The following PKIB variants were observed in gnomAD, a reference collection of about 807,000 sequenced individuals.
PKIB encodes cAMP-dependent protein kinase inhibitor beta, also known as PKI-beta.
A neutral mutation model predicts 4.5 loss-of-function variants in PKIB; 2 were observed. The ratio of observed to expected loss-of-function variants is 0.44; its 90% CI spans 0.18 to 1.39. The LOEUF is 1.39. PKIB is among the 40% of genes most tolerant of loss of function. The pLI, the probability that PKIB is intolerant of heterozygous loss-of-function variation, is 0.27. For synonymous variants in PKIB, 38 were observed against 36.0 expected (o/e 1.06, Z -0.20); for missense variants, 94 against 92.6 (o/e 1.02, Z -0.06).
chr6:122,668,828 A>T lies in PKIB; in HGVS notation c.-75-6250A>T, dbSNP rs185620670. On this transcript the variant is annotated intron_variant, in intron 2 of 4. Transcript: ENST00000368452. ...ATGTTGCCAACTTTATTAACTTCAAAGCTTAATGTGAAATTTAAATCACCA... is the reference window on the plus strand; with the variant it reads ...ATGTTGCCAACTTTATTAACTTCAATGCTTAATGTGAAATTTAAATCACCA... Among the ~76,000 whole-genome samples, 261 of 152,344 alleles carry T rather than the reference A, an allele frequency of 1.7e-3. 4 individuals carry two copies. Among genetic ancestry groups the T allele is most frequent in the Admixed American group, 0.013 (203 of 15,296 alleles).
At chr6:122,487,212 G>A (rs1775792091) in intron 2 of PKIB, among the ~76,000 whole-genome samples, 2 of 152,180 alleles carry the variant, frequency 1.3e-5, no homozygotes, top group African/African-American at 2.4e-5. Flanking sequence ...AGGATTATGT[G>A]TTGCATTTAG....
chr6:122,669,357 C>A (rs1777356346), intron 2 of PKIB, among the ~76,000 whole-genome samples: 1 of 152,124 alleles, frequency 6.6e-6, no homozygotes, highest in Non-Finnish European at 1.5e-5. Flanking sequence ...AGACATTTAG[C>A]CCACATTAGA....
intron 3 of PKIB, among the ~76,000 whole-genome samples, chr6:122,588,807 C>A (rs929905481): frequency 1.4e-4 from 22 of 152,080 alleles, no homozygotes; most frequent in Non-Finnish European, 2.8e-4. Flanking sequence ...ATATAAATTT[C>A]TGAGAAATAA....
chr6:122,690,055 A>G (rs907848705), intron 3 of PKIB, among the ~76,000 whole-genome samples: 2 of 151,732 alleles, frequency 1.3e-5, no homozygotes, highest in African/African-American at 2.4e-5. Context: ...TTTTTTTGAT[A>G]TAAGTATAGT....
intron 3 of PKIB, among the ~76,000 whole-genome samples, chr6:122,688,552 G>A (rs1269523738): frequency 2.0e-5 from 3 of 151,960 alleles, no homozygotes; most frequent in African/African-American, 7.3e-5. Context: ...TAAATGTTTG[G>A]TAGAATTTAG....
chr6:122,507,587 G>C (rs529158498), intron 2 of PKIB, among the ~76,000 whole-genome samples: 1 of 149,720 alleles, frequency 6.7e-6, no homozygotes, highest in Admixed American at 6.7e-5. Flanking sequence ...GATGGGTTTT[G>C]TTGGTCTTTA....
At chr6:122,543,021 T>A (rs1777656295) in intron 2 of PKIB, among the ~76,000 whole-genome samples, 1 of 152,094 alleles carries the variant, frequency 6.6e-6, no homozygotes, top group African/African-American at 2.4e-5. Context: ...CTGAGCCAGG[T>A]GTGGGATATA....
intron 2 of PKIB, among the ~76,000 whole-genome samples, chr6:122,670,473 TC>T (rs1777415734): frequency 6.9e-6 from 1 of 144,814 alleles, no homozygotes; most frequent in African/African-American, 2.5e-5. Context: ...CATCACCCAT[TC>T]TTTCTTATAA....
intron 2 of PKIB, among the ~76,000 whole-genome samples, chr6:122,495,531 C>T (rs966571444): frequency 1.3e-5 from 2 of 152,080 alleles, no homozygotes; most frequent in African/African-American, 2.4e-5. Flanking sequence ...TGGGCTAGCC[C>T]AACCCTAGTC....
chr6:122,670,500 TG>T lies in PKIB; in HGVS notation c.-75-4577del, dbSNP rs1292008763. 2.2e-4 allele frequency among the ~76,000 whole-genome samples: 11 copies of T among 49,476 alleles called. No homozygotes were observed. The Admixed American group carries it at 2.7e-3, about 12-fold the overall frequency. The allele number at this position is 49,476 out of a possible 152,430, so 32.5% of individuals were successfully genotyped here. A position where few individuals can be genotyped will look rare whatever the true frequency, so the allele number is the denominator to read the frequency against. On this transcript the variant is annotated intron_variant, in intron 2 of 4. Transcript: ENST00000368452. ...TTTCTTATAAGGAATCACATGTTTT[TG>T]TTGTTGTTGTTGTTGTTGTTGTTGT...
intron 2 of PKIB, among the ~76,000 whole-genome samples, chr6:122,669,877 T>C (rs1777384531): frequency 1.3e-5 from 2 of 152,160 alleles, no homozygotes; most frequent in South Asian, 4.1e-4. Context: ...TATATATTAG[T>C]TTCCGACATC....
intron 2 of PKIB, among the ~76,000 whole-genome samples, chr6:122,536,433 A>C (rs1222113107): frequency 6.6e-6 from 1 of 152,176 alleles, no homozygotes; most frequent in Non-Finnish European, 1.5e-5. Flanking sequence ...AATGCACCCT[A>C]GCATTTTGCA....
intron 2 of PKIB, among the ~76,000 whole-genome samples, chr6:122,638,266 A>T (rs1382350522): frequency 6.6e-6 from 1 of 152,200 alleles, no homozygotes; most frequent in Non-Finnish European, 1.5e-5. Context: ...ATTTAGGGAA[A>T]ATATTCAAGG....
At chr6:122,670,016 C>G (rs1777390764) in intron 2 of PKIB, among the ~76,000 whole-genome samples, 1 of 151,404 alleles carries the variant, frequency 6.6e-6, no homozygotes, top group Admixed American at 6.6e-5. Flanking sequence ...GTTAGGGATG[C>G]AGGCCCCTTC....
chr6:122,545,426 G>A (rs1451302464), intron 2 of PKIB, among the ~76,000 whole-genome samples: 1 of 151,818 alleles, frequency 6.6e-6, no homozygotes, highest in Non-Finnish European at 1.5e-5. Context: ...CTTACAAGTG[G>A]GAGCTAAACA....
At chr6:122,566,493 T>C (rs1773198745) in intron 2 of PKIB, among the ~76,000 whole-genome samples, 1 of 152,296 alleles carries the variant, frequency 6.6e-6, no homozygotes, top group African/African-American at 2.4e-5. Flanking sequence ...GAATGATCTT[T>C]ATACTAATGC....
intron 2 of PKIB, among the ~76,000 whole-genome samples, chr6:122,503,528 C>T (rs1776308331): frequency 6.6e-6 from 1 of 152,150 alleles, no homozygotes; most frequent in African/African-American, 2.4e-5. Flanking sequence ...TCAGGATTAT[C>T]TCTTTCTCTA....
At chr6:122,539,082 C>G (rs1255633107) in intron 2 of PKIB, among the ~76,000 whole-genome samples, 1 of 152,068 alleles carries the variant, frequency 6.6e-6, no homozygotes, top group African/African-American at 2.4e-5. Flanking sequence ...AGATTTTGGG[C>G]TGAGACAATG....
At chr6:122,520,664 C>CG (rs1776909402) in intron 2 of PKIB, among the ~76,000 whole-genome samples, 1 of 45,360 alleles carries the variant, frequency 2.2e-5, no homozygotes, top group African/African-American at 8.7e-5. Context: ...TTTATGTTCC[C>CG]ACCCCCCCCC....
Sources: allele counts gnomAD v4.1 joint callset (sites outside exome capture counted in the v4.1 genomes callset), GRCh38; gene constraint gnomAD v4.1.1; transcripts MANE v1.5; gene names NCBI Gene and HGNC (gene_info 2026-07-23, HGNC 2026-07-21).